Variants in ZMIZ1 observed in about 807,000 individuals in gnomAD.
ZMIZ1 encodes zinc finger MIZ domain-containing protein 1.
In ZMIZ1, 17 loss-of-function variants were observed where a neutral mutation model predicts 113.9. That is an observed-to-expected ratio of 0.15 (90% confidence interval 0.10 to 0.22). The LOEUF (loss-of-function observed/expected upper bound fraction) is 0.22, where lower values mean the gene tolerates loss of function less well. ZMIZ1 is among the 10% of genes least tolerant of loss of function. The pLI, the probability that ZMIZ1 is intolerant of heterozygous loss-of-function variation, is 1.00. For missense variants in ZMIZ1, 1,059 were observed against 1,477.8 expected (o/e 0.72, Z 4.65); for synonymous variants, 607 against 603.1 (o/e 1.01, Z -0.09).
intron 1 of ZMIZ1, among the ~76,000 whole-genome samples, chr10:79,095,953 G>A (rs374304025): frequency 1.1e-4 from 17 of 152,334 alleles, no homozygotes; most frequent in Middle Eastern, 3.4e-3. Flanking sequence ...GCAGATCCCC[G>A]TGAGGCAGGT....
At chr10:79,237,086 G>A (rs4980051) in intron 7 of ZMIZ1, among the ~76,000 whole-genome samples, 41,214 of 152,064 alleles carry the variant, frequency 0.27, 5,916 homozygotes, top group East Asian at 0.54. Context: ...TGCAGGATGC[G>A]GGGATGTGGG....
rs571778494 is a variant in ZMIZ1 at position 79,279,266 on chromosome 10, C to T, written c.425+1941C>T. ...CTCAGACTGGGCGGCCGGTCAGAGACGCTCCTCACCTCCCAGATGGGGTGG... is the reference window on the plus strand; with the variant it reads ...CTCAGACTGGGCGGCCGGTCAGAGATGCTCCTCACCTCCCAGATGGGGTGG... On this transcript the variant is annotated intron_variant, in intron 8 of 24. Coordinates refer to ENST00000334512, the MANE Select transcript of ZMIZ1 (RefSeq NM_020338.4). 2.4e-3 allele frequency among the ~76,000 whole-genome samples: 348 copies of T among 145,858 alleles called. 1 individual carries two copies. Among genetic ancestry groups the T allele is most frequent in the African/African-American group, 8.5e-3 (332 of 38,890 alleles).
Position 79,279,276 on chromosome 10 carries a change from C to T in ZMIZ1, c.425+1951C>T, listed in dbSNP as rs867067481. 2.7e-4 allele frequency among the ~76,000 whole-genome samples: 41 copies of T among 149,584 alleles called. No homozygotes were observed. In the Middle Eastern group the frequency reaches 0.011, roughly 40 times the overall value. ...GCGGCCGGTCAGAGACGCTCCTCAC[C>T]TCCCAGATGGGGTGGTGGCGGGGCA... On this transcript the variant is annotated intron_variant, in intron 8 of 24. Coordinates refer to ENST00000334512, the MANE Select transcript of ZMIZ1 (RefSeq NM_020338.4).
intron 1 of ZMIZ1, among the ~76,000 whole-genome samples, chr10:79,114,713 G>C (rs1843945692): frequency 6.6e-6 from 1 of 152,162 alleles, no homozygotes. Flanking sequence ...GGGGGCCCAG[G>C]GGGGCTAGGA....
chr10:79,153,778 G>C (rs545788776), intron 3 of ZMIZ1, among the ~76,000 whole-genome samples: 1 of 152,360 alleles, frequency 6.6e-6, no homozygotes, highest in East Asian at 1.9e-4. Context: ...TCCAGGCCTG[G>C]GTGAGGTTAG....
intron 3 of ZMIZ1, among the ~76,000 whole-genome samples, chr10:79,160,369 T>A (rs1589357634): frequency 6.6e-6 from 1 of 152,060 alleles, no homozygotes; most frequent in South Asian, 2.1e-4. Flanking sequence ...GGGTGTAGGG[T>A]TCCAGCACTC....
At chr10:79,204,587 C>T (rs1848235469) in intron 5 of ZMIZ1, among the ~76,000 whole-genome samples, 2 of 152,228 alleles carry the variant, frequency 1.3e-5, no homozygotes. Flanking sequence ...TACATCAGGT[C>T]TCCCACCAGG....
intron 1 of ZMIZ1, among the ~76,000 whole-genome samples, chr10:79,093,924 C>T (rs189407870): frequency 2.0e-5 from 3 of 152,238 alleles, no homozygotes; most frequent in East Asian, 3.9e-4. Context: ...TTTATCAGCT[C>T]GAGCAAGTCG....
chr10:79,093,628 G>A lies in ZMIZ1; in HGVS notation c.-337+24358G>A, dbSNP rs550319215. On this transcript the variant is annotated intron_variant, in intron 1 of 24. Coordinates refer to ENST00000334512, the MANE Select transcript of ZMIZ1 (RefSeq NM_020338.4). ...AGGTGTGAGCCACCACGCCTGGCCT[G>A]TATCCCAGTTTTACACACATGCGTA... 9.2e-5 allele frequency among the ~76,000 whole-genome samples: 14 copies of A among 152,238 alleles called. 1 individual carries two copies. Among genetic ancestry groups the A allele is most frequent in the African/African-American group, 3.4e-4 (14 of 41,546 alleles).
At chr10:79,148,860 G>A (rs1321243389) in intron 3 of ZMIZ1, among the ~76,000 whole-genome samples, 1 of 152,198 alleles carries the variant, frequency 6.6e-6, no homozygotes, top group Non-Finnish European at 1.5e-5. Flanking sequence ...GCCCTTGGCA[G>A]TTTCCAATTG....
chr10:79,148,434 C>T (rs1467722465), intron 3 of ZMIZ1, among the ~76,000 whole-genome samples: 3 of 152,180 alleles, frequency 2.0e-5, no homozygotes, highest in African/African-American at 7.2e-5. Context: ...GTGTAGAGAG[C>T]CAGCATCAAG....
At chr10:79,089,401 T>G (rs1276293545) in intron 1 of ZMIZ1, among the ~76,000 whole-genome samples, 1 of 152,254 alleles carries the variant, frequency 6.6e-6, no homozygotes, top group Admixed American at 6.5e-5. Context: ...TTCTACGAGA[T>G]GAACTCAGCT....
chr10:79,166,722 A>C (rs1846364483), intron 4 of ZMIZ1, among the ~76,000 whole-genome samples: 1 of 152,244 alleles, frequency 6.6e-6, no homozygotes. Context: ...TTGTATGCTC[A>C]TGAATAAGTA....
Position 79,251,853 on chromosome 10 carries a change from G to A in ZMIZ1, c.281-25328G>A, listed in dbSNP as rs79007035. ...AAAACGGACAGAAGCCATTGTCCCAGGGGGTCAGGGCAGCAGCACCCAAAA... is the reference window on the plus strand; with the variant it reads ...AAAACGGACAGAAGCCATTGTCCCAAGGGGTCAGGGCAGCAGCACCCAAAA... On this transcript the variant is annotated intron_variant, in intron 7 of 24. Transcript: ENST00000334512. 2.9e-3 allele frequency among the ~76,000 whole-genome samples: 449 copies of A among 152,298 alleles called. 11 individuals are homozygous for A. Among genetic ancestry groups the A allele is most frequent in the Admixed American group, 0.024 (363 of 15,300 alleles).
intron 4 of ZMIZ1, among the ~76,000 whole-genome samples, chr10:79,197,592 C>CCA (rs1847882914): frequency 6.8e-6 from 1 of 146,392 alleles, no homozygotes; most frequent in African/African-American, 2.6e-5. Context: ...CCAACCCAGA[C>CCA]CATACACACA....
At chr10:79,169,302 C>T (rs1161568696) in intron 4 of ZMIZ1, among the ~76,000 whole-genome samples, 1 of 152,224 alleles carries the variant, frequency 6.6e-6, no homozygotes, top group Non-Finnish European at 1.5e-5. Flanking sequence ...CCCTGTGCTT[C>T]GTTGCCTCTG....
intron 4 of ZMIZ1, among the ~76,000 whole-genome samples, chr10:79,163,014 C>T (rs913028043): frequency 1.3e-5 from 2 of 152,264 alleles, no homozygotes; most frequent in Admixed American, 6.5e-5. Flanking sequence ...GTTGATCTCA[C>T]TTGGCCCTGT....
chr10:79,307,354 C>A, intron 22 of ZMIZ1, 51 bp from the exon 23 acceptor site: 1 of 1,559,282 alleles, frequency 6.4e-7, no homozygotes, highest in South Asian at 1.1e-5. Context: ...CTGGGGGTGG[C>A]CACTATCCCT....
rs1439630033 is a variant in ZMIZ1 at position 79,296,865 on chromosome 10, G to A, written c.1413+212G>A. On this transcript the variant is annotated intron_variant, in intron 13 of 24. Coordinates refer to ENST00000334512, the MANE Select transcript of ZMIZ1 (RefSeq NM_020338.4). This position sits in a 1 kb window ranked among gnomAD's most constrained non-coding sequence, Gnocchi z 4.1. ...CTCAGTTCCTATTCTCATTCGTCTC[G>A]GATGATGGTTTTTTTTTCTCCTTTT... is the stretch of plus-strand genomic sequence containing the variant. 2.2e-5 allele frequency: 9 copies of A among 413,568 alleles called. 1 individual carries two copies. Among genetic ancestry groups the A allele is most frequent in the East Asian group, 7.2e-5 (2 of 27,812 alleles). The allele number at this position is 413,568 out of a possible 1,614,324, so 25.6% of individuals were successfully genotyped here.
Sources: allele counts gnomAD v4.1 joint callset (sites outside exome capture counted in the v4.1 genomes callset), GRCh38; gene constraint gnomAD v4.1.1; non-coding constraint Gnocchi (gnomAD v3.1); transcripts MANE v1.5; gene names NCBI Gene and HGNC (gene_info 2026-07-23, HGNC 2026-07-21).